Variants in C1QTNF7 observed in about 807,000 individuals in gnomAD.
The protein encoded by C1QTNF7 is complement C1q tumor necrosis factor-related protein 7.
In C1QTNF7, 15 loss-of-function variants were observed where a neutral mutation model predicts 19.6. The ratio of observed to expected loss-of-function variants is 0.76; its 90% CI spans 0.51 to 1.18. The LOEUF is 1.18. C1QTNF7 is among the 50% of genes most tolerant of loss of function. The pLI, the probability that C1QTNF7 is intolerant of heterozygous loss-of-function variation, is 0.00. For missense variants in C1QTNF7, 324 were observed against 359.7 expected (o/e 0.90, Z 0.80); for synonymous variants, 142 against 137.5 (o/e 1.03, Z -0.23).
intron 1 of C1QTNF7, among the ~76,000 whole-genome samples, chr4:15,392,377 TAC>T (rs1404753137): frequency 6.6e-6 from 1 of 152,158 alleles, no homozygotes; most frequent in East Asian, 1.9e-4. Context: ...AGAACCAAGG[TAC>T]ACACACAATG....
At chr4:15,394,202 T>G (rs1419589501) in intron 1 of C1QTNF7, among the ~76,000 whole-genome samples, 1 of 152,050 alleles carries the variant, frequency 6.6e-6, no homozygotes, top group East Asian at 1.9e-4. Context: ...GTAAGGTAAA[T>G]GTGGTTGGGG....
chr4:15,435,895 C>T lies in C1QTNF7; in HGVS notation c.152C>T (p.Ser51Phe), dbSNP rs765869930. ...CCAGGGCCCCCTGGAGCAAATGGTT[C>T]CCCTGGGCCCCATGGTCGCATCGGC... ...GPPGPPGANG[S>F]PGPHGRIGLP... The change falls in exon 2 of 3, where the codon TCC (serine) becomes TTC (phenylalanine). Residue 51 changes from serine (S) to phenylalanine (F), a missense_variant. Ser to Phe is a radical substitution (Grantham distance 155, BLOSUM62 -2). Transcript: ENST00000444304. 2.5e-6 allele frequency: 4 copies of T among 1,614,046 alleles called. No homozygotes were observed. The highest frequency in any genetic ancestry group is 2.2e-5 in the East Asian group (1 of 44,860).
At chr4:15,342,134 T>A (rs1716564947) in intron 1 of C1QTNF7, among the ~76,000 whole-genome samples, 1 of 152,180 alleles carries the variant, frequency 6.6e-6, no homozygotes, top group South Asian at 2.1e-4. Context: ...GTCAGGGTTG[T>A]CCCATAAAGG....
At chr4:15,367,869 A>T (rs1027254055) in intron 1 of C1QTNF7, among the ~76,000 whole-genome samples, 1 of 152,026 alleles carries the variant, frequency 6.6e-6, no homozygotes, top group Non-Finnish European at 1.5e-5. Context: ...ATGATTTTGT[A>T]ATCAACATTA....
chr4:15,351,435 C>G (rs10939615), intron 1 of C1QTNF7, among the ~76,000 whole-genome samples: 11,810 of 152,132 alleles, frequency 0.078, 1,506 homozygotes, highest in African/African-American at 0.27. Context: ...ACATCCTAAA[C>G]AAGGTTTGAC....
At chr4:15,412,331 C>A (rs933175972) in intron 1 of C1QTNF7, among the ~76,000 whole-genome samples, 2 of 152,058 alleles carry the variant, frequency 1.3e-5, no homozygotes, top group African/African-American at 4.8e-5. Context: ...CCCCCACCCC[C>A]ACCAGTCTGT....
At chr4:15,354,451 C>A (rs1717057480) in intron 1 of C1QTNF7, among the ~76,000 whole-genome samples, 1 of 151,920 alleles carries the variant, frequency 6.6e-6, no homozygotes, top group Non-Finnish European at 1.5e-5. Flanking sequence ...TGTGGGGAGG[C>A]CAGATGGGGA....
intron 1 of C1QTNF7, among the ~76,000 whole-genome samples, chr4:15,371,037 C>T (rs769590528): frequency 6.6e-6 from 1 of 152,226 alleles, no homozygotes; most frequent in Non-Finnish European, 1.5e-5. Context: ...AGGAATTCCT[C>T]CTAGTTCCTA....
At chr4:15,376,870 T>C (rs1026263868) in intron 1 of C1QTNF7, among the ~76,000 whole-genome samples, 1 of 152,250 alleles carries the variant, frequency 6.6e-6, no homozygotes, top group Non-Finnish European at 1.5e-5. Context: ...CAAAGTCACA[T>C]ACCTAGAAAT....
At chr4:15,340,069 A>C in exon 1 of C1QTNF7, 1 of 1,119,312 alleles carries the variant, frequency 8.9e-7, no homozygotes, top group Non-Finnish European at 1.3e-6. Flanking sequence ...TATTTTTTGC[A>C]TTGTTTTGGA....
upstream of C1QTNF7, among the ~76,000 whole-genome samples, chr4:15,427,049 G>A (rs1406595962): frequency 6.6e-6 from 1 of 152,124 alleles, no homozygotes; most frequent in Non-Finnish European, 1.5e-5. Flanking sequence ...TAAGATTTTG[G>A]AAAGCCAACA....
At chr4:15,347,292 A>G (rs1716754924) in intron 1 of C1QTNF7, among the ~76,000 whole-genome samples, 1 of 152,180 alleles carries the variant, frequency 6.6e-6, no homozygotes, top group South Asian at 2.1e-4. Flanking sequence ...TCCTTCCATT[A>G]ATATACCACT....
At chr4:15,378,438 A>T (rs939206352) in intron 1 of C1QTNF7, among the ~76,000 whole-genome samples, 5 of 152,232 alleles carry the variant, frequency 3.3e-5, no homozygotes, top group South Asian at 2.1e-4. Context: ...AAAGAAAAAA[A>T]TCTCTGAACC....
chr4:15,360,508 C>T (rs1313954774), intron 1 of C1QTNF7, among the ~76,000 whole-genome samples: 2 of 152,148 alleles, frequency 1.3e-5, no homozygotes, highest in African/African-American at 4.8e-5. Context: ...TTATCTAACA[C>T]ATGTATTTTC....
intron 1 of C1QTNF7, among the ~76,000 whole-genome samples, chr4:15,360,987 G>T (rs1236114952): frequency 6.6e-6 from 1 of 152,050 alleles, no homozygotes; most frequent in Admixed American, 6.6e-5. Context: ...ACAATTGATT[G>T]AATTTAAGGA....
intron 1 of C1QTNF7, among the ~76,000 whole-genome samples, chr4:15,380,244 A>G (rs1295217323): frequency 2.0e-5 from 3 of 152,220 alleles, no homozygotes; most frequent in Non-Finnish European, 4.4e-5. Flanking sequence ...TTGTATTTGT[A>G]AGTATCAGAA....
At chr4:15,430,310 C>T (rs918145727) in intron 1 of C1QTNF7, among the ~76,000 whole-genome samples, 8 of 152,110 alleles carry the variant, frequency 5.3e-5, no homozygotes, top group Admixed American at 5.2e-4. Flanking sequence ...CCAGGTTGGG[C>T]GTGGCAGCTC....
intron 1 of C1QTNF7, among the ~76,000 whole-genome samples, chr4:15,401,878 C>T (rs1262865915): frequency 2.0e-5 from 3 of 152,138 alleles, no homozygotes; most frequent in Middle Eastern, 3.4e-3. Flanking sequence ...AAGAAAGAAA[C>T]AGTGTGATAA....
At chr4:15,350,237 G>A (rs370287218) in intron 1 of C1QTNF7, among the ~76,000 whole-genome samples, 101 of 9,068 alleles carry the variant, frequency 0.011, 1 homozygote, top group African/African-American at 0.032. Context: ...GAGGAAAGAA[G>A]GGAGGGAGGG....
Sources: gnomAD v4.1 joint callset for allele counts (sites outside exome capture counted in the v4.1 genomes callset) on GRCh38, gnomAD v4.1.1 for gene constraint, MANE v1.5 for transcripts, NCBI Gene and HGNC (gene_info 2026-07-23, HGNC 2026-07-21) for gene names.